NCEH1: variants seen among roughly 807,000 people sequenced by gnomAD.
NCEH1 encodes the protein neutral cholesterol ester hydrolase 1.
Under a neutral mutation model 25.4 loss-of-function variants are expected in NCEH1, and 9 were observed. The ratio of observed to expected loss-of-function variants is 0.35; its 90% CI spans 0.21 to 0.62. NCEH1 has a LOEUF of 0.62. NCEH1 is among the 20% of genes least tolerant of loss of function. The pLI is 0.72. For missense variants in NCEH1, 412 were observed against 501.1 expected (o/e 0.82, Z 1.70); for synonymous variants, 200 against 199.8 (o/e 1.00, Z -0.01).
At chr3:172,661,343 T>C (rs1717962576) in intron 1 of NCEH1, among the ~76,000 whole-genome samples, 2 of 152,242 alleles carry the variant, frequency 1.3e-5, no homozygotes, top group Admixed American at 1.3e-4. Context: ...ATCTCCCTTT[T>C]GGTACCAGTA....
Position 172,653,748 on chromosome 3 carries a change from T to TG in NCEH1, c.139-5635_139-5634insC, listed in dbSNP as rs1342706363. ...TGTTGTTGTTCTGTTTTTTTTGTTT[T>TG]TTTGTTTTTTTGTTTTTTTTTTTTT... On this transcript the variant is annotated intron_variant, in intron 1 of 4. Transcript: ENST00000475381. Among the ~76,000 whole-genome samples the TG allele has an allele frequency of 4.5e-3, 349 of 77,180 alleles. 9 individuals are homozygous for TG. Among genetic ancestry groups the TG allele is most frequent in the African/African-American group, 0.019 (332 of 17,342 alleles). The allele number at this position is 77,180 out of a possible 152,430, so 50.6% of individuals were successfully genotyped here.
Position 172,700,395 on chromosome 3 carries a change from A to T in NCEH1, c.138+10452T>A, listed in dbSNP as rs556963566. On this transcript the variant is annotated intron_variant, in intron 1 of 4. Transcript: ENST00000475381. ...AAAAAATCAGGACAAAAAATTCACTAGTGACTAAGTTATCATGAGTGTCCT... is the reference window on the plus strand; with the variant it reads ...AAAAAATCAGGACAAAAAATTCACTTGTGACTAAGTTATCATGAGTGTCCT... 1.1e-4 allele frequency among the ~76,000 whole-genome samples: 16 copies of T among 152,320 alleles called. No homozygotes were observed. In the South Asian group the frequency reaches 2.3e-3, roughly 22 times the overall value.
At position 172,654,953 on chromosome 3, in the gene NCEH1, G is replaced by A. The variant is rs148874985; in HGVS notation, c.139-6839C>T. Among the ~76,000 whole-genome samples the A allele has an allele frequency of 6.6e-4, 100 of 152,316 alleles. 1 individual carries two copies. In the East Asian group the frequency reaches 0.013, roughly 20 times the overall value. ...ATGAGAATTTAATTAAAATATTAAT[G>A]TTTAATGTTCAATTAAGAGATGGAC... On this transcript the variant is annotated intron_variant, in intron 1 of 4. Transcript: ENST00000475381.
At chr3:172,679,812 G>A (rs924974073) in intron 1 of NCEH1, among the ~76,000 whole-genome samples, 2 of 152,064 alleles carry the variant, frequency 1.3e-5, no homozygotes, top group African/African-American at 4.8e-5. Context: ...TGTGCCAAGT[G>A]TGATGGCCGC....
intron 1 of NCEH1, among the ~76,000 whole-genome samples, chr3:172,697,970 ATTT>A (rs386398562): frequency 1.1e-4 from 11 of 101,070 alleles, no homozygotes; most frequent in African/African-American, 8.2e-5. Flanking sequence ...TAAAAGCAGA[ATTT>A]TTTTTTTTTT....
chr3:172,698,752 G>C (rs372645199), intron 1 of NCEH1, among the ~76,000 whole-genome samples: 1 of 152,302 alleles, frequency 6.6e-6, no homozygotes, highest in African/African-American at 2.4e-5. Context: ...ACATGAGGAA[G>C]TTAGAAACCC....
intron 1 of NCEH1, among the ~76,000 whole-genome samples, chr3:172,686,540 A>G (rs1318588176): frequency 6.6e-6 from 1 of 152,236 alleles, no homozygotes; most frequent in Non-Finnish European, 1.5e-5. Flanking sequence ...TTTTGCTTGC[A>G]TAAGTTCTAT....
At chr3:172,703,369 CAA>C in intron 1 of NCEH1, 1 of 149,970 alleles carries the variant, frequency 6.7e-6, no homozygotes, top group Non-Finnish European at 1.5e-5. Flanking sequence ...TACAAAAATA[CAA>C]AAAAAAATTA....
At chr3:172,659,968 C>CA (rs1386260689) in intron 1 of NCEH1, among the ~76,000 whole-genome samples, 1 of 151,748 alleles carries the variant, frequency 6.6e-6, no homozygotes, top group African/African-American at 2.4e-5. Context: ...TTAATAAAAG[C>CA]AACCCCTGAA....
chr3:172,691,524 G>A (rs1713037350), intron 1 of NCEH1, among the ~76,000 whole-genome samples: 1 of 152,424 alleles, frequency 6.6e-6, no homozygotes, highest in South Asian at 2.1e-4. Context: ...TAGGAGTTGT[G>A]CACACAGTGG....
rs554257227 is a variant in NCEH1 at position 172,661,270 on chromosome 3, G to T, written c.139-13156C>A. 2.2e-4 allele frequency among the ~76,000 whole-genome samples: 34 copies of T among 152,292 alleles called. No homozygotes were observed. In the South Asian group the frequency reaches 7.0e-3, roughly 32 times the overall value. On this transcript the variant is annotated intron_variant, in intron 1 of 4. Coordinates refer to ENST00000475381, the MANE Select transcript of NCEH1 (RefSeq NM_020792.6). ...TCTTGTTTTTGTCAGGTTTGTCAAA[G>T]ATCAGATAGTTGTAGATGTGTGGTA... is the stretch of plus-strand genomic sequence containing the variant.
intron 1 of NCEH1, among the ~76,000 whole-genome samples, chr3:172,699,943 C>T (rs747062503): frequency 6.6e-6 from 1 of 152,114 alleles, no homozygotes; most frequent in South Asian, 2.1e-4. Context: ...CTGGTTTGGA[C>T]AATAAATTAT....
Position 172,647,934 on chromosome 3 carries a change from G to A in NCEH1, c.319C>T (p.Arg107Cys), listed in dbSNP as rs577740696. The A allele has an allele frequency of 1.2e-5, 20 of 1,614,160 alleles. No individual in the cohort carries two copies. Among genetic ancestry groups the A allele is most frequent in the South Asian group, 2.2e-5 (2 of 91,080 alleles). Residue 107 changes from arginine to cysteine, a missense_variant, in exon 2 of 5, where the codon CGC (arginine) becomes TGC (cysteine). Physicochemically the swap from Arg to Cys is radical, Grantham distance 180 (BLOSUM62 -3). Around this residue, in one of 3 missense-constraint regions of NCEH1, gnomAD observed 178 missense variants for 189.2 expected, o/e 0.94. Transcript: ENST00000475381. ...GPPKPEEPLK[R>C]SVVYIHGGGW... ...CCTCCGTGGATATAAACGACGCTGC[G>A]TTTCAGTGGCTCTTCGGGCTTCGGA...
intron 1 of NCEH1, among the ~76,000 whole-genome samples, chr3:172,659,973 C>G (rs1371292886): frequency 6.6e-6 from 1 of 151,702 alleles, no homozygotes; most frequent in African/African-American, 2.4e-5. Context: ...AAAAGCAACC[C>G]CTGAAGCATT....
At chr3:172,705,005 T>C (rs1713896987) in intron 1 of NCEH1, among the ~76,000 whole-genome samples, 1 of 152,238 alleles carries the variant, frequency 6.6e-6, no homozygotes, top group African/African-American at 2.4e-5. Context: ...AGCATGGCAC[T>C]ATGATAGCTA....
At chr3:172,661,530 G>A (rs545574781) in intron 1 of NCEH1, among the ~76,000 whole-genome samples, 2 of 152,278 alleles carry the variant, frequency 1.3e-5, no homozygotes, top group East Asian at 3.9e-4. Context: ...TAGCTTGATG[G>A]GGATGGCATG....
intron 1 of NCEH1, among the ~76,000 whole-genome samples, chr3:172,703,999 G>A (rs57514185): frequency 0.12 from 17,821 of 152,218 alleles, 1,554 homozygotes; most frequent in African/African-American, 0.24. Flanking sequence ...GAAGAAATAC[G>A]CATCATCATA....
At chr3:172,671,153 C>G (rs1332203645) in intron 1 of NCEH1, among the ~76,000 whole-genome samples, 1 of 152,168 alleles carries the variant, frequency 6.6e-6, no homozygotes, top group Non-Finnish European at 1.5e-5. Flanking sequence ...CAATTTCACA[C>G]TTGTGGTAGC....
intron 1 of NCEH1, among the ~76,000 whole-genome samples, chr3:172,650,576 G>A (rs1327186986): frequency 6.6e-6 from 1 of 151,236 alleles, no homozygotes; most frequent in Non-Finnish European, 1.5e-5. Context: ...ATGAACCCTG[G>A]AGGCAGAGCT....
Sources: gnomAD v4.1 joint callset for allele counts (sites outside exome capture counted in the v4.1 genomes callset) on GRCh38, gnomAD v4.1.1 for gene constraint, gnomAD v4.1.1 regional missense constraint, MANE v1.5 for transcripts, NCBI Gene and HGNC (gene_info 2026-07-23, HGNC 2026-07-21) for gene names.